The following BANK1 variants were observed in gnomAD, a reference collection of about 807,000 sequenced individuals.
The protein encoded by BANK1 is B cell scaffold protein with ankyrin repeats 1, also known as B-cell scaffold protein with ankyrin repeats.
BANK1 carries 95 observed loss-of-function variants against 94.5 expected under a neutral mutation model. That is an observed-to-expected ratio of 1.00 (90% confidence interval 0.85 to 1.19). The LOEUF (loss-of-function observed/expected upper bound fraction) is 1.19. Ranked by LOEUF, BANK1 falls within the 50% of genes most tolerant of loss-of-function variation. BANK1 has a pLI of 0.00. For synonymous variants in BANK1, 334 were observed against 308.4 expected (o/e 1.08, Z -0.87); for missense variants, 987 against 932.2 (o/e 1.06, Z -0.77).
At chr4:102,037,844 G>A (rs568493866) in intron 10 of BANK1, among the ~76,000 whole-genome samples, 1 of 152,262 alleles carries the variant, frequency 6.6e-6, no homozygotes, top group South Asian at 2.1e-4. Context: ...GTGATGGAAG[G>A]TATTCTGTAG....
At chr4:101,940,106 T>C (rs1415730311) in intron 7 of BANK1, among the ~76,000 whole-genome samples, 7 of 151,758 alleles carry the variant, frequency 4.6e-5, no homozygotes, top group African/African-American at 7.2e-5. Flanking sequence ...CTAAGAGATG[T>C]GTTCTTTCAG....
At chr4:102,047,480 A>G (rs953388954) in intron 11 of BANK1, among the ~76,000 whole-genome samples, 2 of 152,142 alleles carry the variant, frequency 1.3e-5, no homozygotes, top group African/African-American at 4.8e-5. Flanking sequence ...AGCTCTCTCA[A>G]GAAATAAATG....
intron 7 of BANK1, among the ~76,000 whole-genome samples, chr4:101,927,671 G>C (rs1184282904): frequency 6.6e-6 from 1 of 151,676 alleles, no homozygotes; most frequent in Non-Finnish European, 1.5e-5. Flanking sequence ...GAATATAAAA[G>C]AAAGTGTGTA....
intron 1 of BANK1, among the ~76,000 whole-genome samples, chr4:101,803,985 G>C (rs1229914473): frequency 1.0e-5 from 1 of 100,090 alleles, no homozygotes; most frequent in East Asian, 2.8e-4. Flanking sequence ...GCGACAGAGC[G>C]AGACTCCGTC....
chr4:101,921,661 C>T (rs1055686311), intron 7 of BANK1, among the ~76,000 whole-genome samples: 7 of 151,872 alleles, frequency 4.6e-5, no homozygotes, highest in Non-Finnish European at 1.0e-4. Context: ...AGTACATTCT[C>T]CTCGTTGGCC....
intron 5 of BANK1, among the ~76,000 whole-genome samples, chr4:101,889,886 A>G (rs954191246): frequency 5.9e-5 from 9 of 152,074 alleles, no homozygotes; most frequent in Admixed American, 5.9e-4. Flanking sequence ...AGTTTAATGT[A>G]TTTTTAAAAT....
intron 6 of BANK1, among the ~76,000 whole-genome samples, chr4:101,895,984 A>T (rs903025647): frequency 6.6e-6 from 1 of 151,888 alleles, no homozygotes; most frequent in African/African-American, 2.4e-5. Context: ...ATAAGTTTAT[A>T]TATGTAAATT....
intron 1 of BANK1, among the ~76,000 whole-genome samples, chr4:101,820,600 T>C (rs929542358): frequency 2.6e-5 from 4 of 152,186 alleles, no homozygotes; most frequent in Non-Finnish European, 5.9e-5. Flanking sequence ...CCAATAGTTA[T>C]CTTTTCTGCT....
chr4:101,945,065 G>T lies in BANK1; in HGVS notation c.1206+26876G>T, dbSNP rs953105854. 3.9e-5 allele frequency among the ~76,000 whole-genome samples: 6 copies of T among 151,942 alleles called. No homozygotes were observed. The East Asian group carries it at 9.7e-4, about 25-fold the overall frequency. On this transcript the variant is annotated intron_variant, in intron 7 of 16. Transcript: ENST00000322953. ...AAAGTTTACCCAAGTGCTTATAAGG[G>T]TGCTTTATTATACCTCTCCTCTAGC... is the stretch of plus-strand genomic sequence containing the variant.
chr4:102,016,651 T>G (rs1726711103), intron 7 of BANK1, among the ~76,000 whole-genome samples: 1 of 152,210 alleles, frequency 6.6e-6, no homozygotes, highest in Non-Finnish European at 1.5e-5. Flanking sequence ...TTAACTATTT[T>G]CAGGACTTTG....
chr4:101,993,683 C>T (rs1460963811), intron 7 of BANK1, among the ~76,000 whole-genome samples: 1 of 152,136 alleles, frequency 6.6e-6, no homozygotes, highest in Non-Finnish European at 1.5e-5. Flanking sequence ...AAGAAACTCA[C>T]TTCATTAATT....
At position 101,927,194 on chromosome 4, in the gene BANK1, G is replaced by A. The variant is rs769244264; in HGVS notation, c.1206+9005G>A. 9.2e-5 allele frequency among the ~76,000 whole-genome samples: 14 copies of A among 151,658 alleles called. No individual in the cohort carries two copies. The East Asian group carries it at 1.2e-3, about 13-fold the overall frequency. On this transcript the variant is annotated intron_variant, in intron 7 of 16. Coordinates refer to ENST00000322953, the MANE Select transcript of BANK1 (RefSeq NM_017935.5). Reference sequence around the variant, plus strand: ...TCATGGCGGAAGGGGAAGCAGTCGCGTCTTATATGGCCGCGGGTGAAAGGA... The same window carrying A: ...TCATGGCGGAAGGGGAAGCAGTCGCATCTTATATGGCCGCGGGTGAAAGGA...
intron 11 of BANK1, among the ~76,000 whole-genome samples, chr4:102,052,121 T>C (rs1157374601): frequency 4.3e-4 from 37 of 85,236 alleles, no homozygotes; most frequent in South Asian, 7.3e-4. Context: ...TTCTTTTTTT[T>C]TTTTTTTTTT....
At chr4:102,000,733 A>G (rs1726038273) in intron 7 of BANK1, among the ~76,000 whole-genome samples, 1 of 152,224 alleles carries the variant, frequency 6.6e-6, no homozygotes, top group Non-Finnish European at 1.5e-5. Context: ...AATTCTATAC[A>G]TATTTAGGAA....
chr4:101,861,147 G>A (rs1013832623), intron 3 of BANK1, among the ~76,000 whole-genome samples: 3 of 152,170 alleles, frequency 2.0e-5, no homozygotes, highest in African/African-American at 4.8e-5. Context: ...ATCCTTTCCC[G>A]ATGAGCGTTG....
At chr4:101,972,323 T>G (rs1419482284) in intron 7 of BANK1, 1 of 152,162 alleles carries the variant, frequency 6.6e-6, no homozygotes, top group East Asian at 1.9e-4. Flanking sequence ...GGATAGTTTA[T>G]TCTATAAATA....
At chr4:101,867,165 T>TA (rs1728103424) in intron 4 of BANK1, among the ~76,000 whole-genome samples, 1 of 20,100 alleles carries the variant, frequency 5.0e-5, no homozygotes, top group Non-Finnish European at 8.6e-5. Flanking sequence ...TAGAGTATAA[T>TA]AAAAAAAATT....
At chr4:102,045,566 C>T (rs1727851874) in intron 11 of BANK1, among the ~76,000 whole-genome samples, 1 of 152,108 alleles carries the variant, frequency 6.6e-6, no homozygotes, top group African/African-American at 2.4e-5. Flanking sequence ...CCAAAATCTC[C>T]TTAAGCTGAT....
intron 1 of BANK1, among the ~76,000 whole-genome samples, chr4:101,825,856 C>G (rs918957634): frequency 6.6e-6 from 1 of 151,930 alleles, no homozygotes; most frequent in South Asian, 2.1e-4. Context: ...CAATTTTCAA[C>G]ATAAGTAAAA....
Sources: allele counts gnomAD v4.1 joint callset (sites outside exome capture counted in the v4.1 genomes callset), GRCh38; gene constraint gnomAD v4.1.1; transcripts MANE v1.5; gene names NCBI Gene and HGNC (gene_info 2026-07-23, HGNC 2026-07-21).